CCDC3: variants seen among roughly 807,000 people sequenced by gnomAD.
The protein encoded by CCDC3 is coiled-coil domain-containing protein 3.
Under a neutral mutation model 21.4 loss-of-function variants are expected in CCDC3, and 24 were observed. That is an observed-to-expected ratio of 1.12 (90% CI 0.81 to 1.58). The LOEUF (loss-of-function observed/expected upper bound fraction) is 1.58. CCDC3 is among the 40% of genes most tolerant of loss of function. The pLI is 0.00. For synonymous variants in CCDC3, 186 were observed against 166.0 expected (o/e 1.12, Z -0.93); for missense variants, 425 against 360.9 (o/e 1.18, Z -1.44).
chr10:12,922,106 C>T (rs17592586), intron 2 of CCDC3, among the ~76,000 whole-genome samples: 8,013 of 152,158 alleles, frequency 0.053, 233 homozygotes, highest in Non-Finnish European at 0.071. Flanking sequence ...CCACCATGTA[C>T]AGTCCAGGCT....
intron 5 of CCDC3, among the ~76,000 whole-genome samples, chr10:13,014,477 A>AG (rs974377144): frequency 2.7e-5 from 4 of 150,790 alleles, no homozygotes; most frequent in Non-Finnish European, 4.4e-5. Flanking sequence ...AAAAGAAAAA[A>AG]AAAAGAAAAG....
At chr10:13,004,530 G>A (rs1445384894), upstream of CCDC3, among the ~76,000 whole-genome samples, 1 of 151,720 alleles carries the variant, frequency 6.6e-6, no homozygotes, top group East Asian at 1.9e-4. Context: ...TGTCCAGAAT[G>A]TGTCTATTTC....
chr10:13,011,710 T>C (rs1835986142), intron 5 of CCDC3, among the ~76,000 whole-genome samples: 1 of 152,152 alleles, frequency 6.6e-6, no homozygotes, highest in South Asian at 2.1e-4. Context: ...TTCCAAAATG[T>C]ATATGGAACC....
At chr10:13,042,199 C>G (rs1836466399) in intron 5 of CCDC3, among the ~76,000 whole-genome samples, 1 of 152,242 alleles carries the variant, frequency 6.6e-6, no homozygotes, top group South Asian at 2.1e-4. Flanking sequence ...AATTTCTTCA[C>G]CTATCACAGC....
At chr10:13,006,287 A>G (rs1182107184), upstream of CCDC3, among the ~76,000 whole-genome samples, 2 of 152,356 alleles carry the variant, frequency 1.3e-5, no homozygotes, top group East Asian at 3.9e-4. Flanking sequence ...CAGTGAGGAG[A>G]AAAGGGCAGG....
At chr10:12,980,651 C>G (rs548253514) in intron 2 of CCDC3, among the ~76,000 whole-genome samples, 1 of 152,278 alleles carries the variant, frequency 6.6e-6, no homozygotes, top group East Asian at 1.9e-4. Context: ...AGCAAACTTT[C>G]TGCTTCCAAC....
intron 5 of CCDC3, among the ~76,000 whole-genome samples, chr10:13,025,905 G>T (rs768472161): frequency 3.9e-5 from 6 of 152,172 alleles, no homozygotes; most frequent in Non-Finnish European, 8.8e-5. Context: ...ACTCACCCGG[G>T]CATGGTGGCT....
intron 5 of CCDC3, among the ~76,000 whole-genome samples, chr10:13,012,750 G>A (rs1835998425): frequency 6.6e-6 from 1 of 152,002 alleles, no homozygotes; most frequent in Admixed American, 6.5e-5. Context: ...CAGCCTGGGG[G>A]ACAGAGTGAG....
chr10:13,058,893 G>A (rs1392430501), intron 4 of CCDC3, among the ~76,000 whole-genome samples: 6 of 152,134 alleles, frequency 3.9e-5, no homozygotes, highest in East Asian at 1.9e-4. Flanking sequence ...CATACACTAC[G>A]GCGCATCCAT....
At chr10:12,920,616 G>C (rs975655975) in intron 2 of CCDC3, among the ~76,000 whole-genome samples, 2 of 152,116 alleles carry the variant, frequency 1.3e-5, no homozygotes, top group Non-Finnish European at 2.9e-5. Context: ...ACTTTTAATG[G>C]CAAACTTTAA....
Position 13,001,291 on chromosome 10 carries a change from G to A in CCDC3, c.280C>T (p.Pro94Ser). The change falls in exon 1 of 3, where the codon CCC becomes TCC. Residue 94 changes from proline to serine, a missense_variant. Pro to Ser is a moderately conservative substitution (Grantham distance 74, BLOSUM62 -1). Transcript: ENST00000378825. ...DQAWGSMLEVPAGSRLNLTGL... is the reference protein window; with the variant it reads ...DQAWGSMLEVSAGSRLNLTGL... ...GTGAGGTTGAGCCTGGAGCCGGCGGGCACCTCCAGCATGCTGCCCCACGCC... is the reference window on the plus strand; with the variant it reads ...GTGAGGTTGAGCCTGGAGCCGGCGGACACCTCCAGCATGCTGCCCCACGCC... The A allele has an allele frequency of 1.2e-6, 2 of 1,605,376 alleles. No homozygotes were observed. The highest frequency in any genetic ancestry group is 2.2e-5 in the East Asian group (1 of 44,564).
chr10:12,908,625 T>C (rs893379988), intron 2 of CCDC3, among the ~76,000 whole-genome samples: 1 of 151,648 alleles, frequency 6.6e-6, no homozygotes, highest in Non-Finnish European at 1.5e-5. Context: ...TTTTTTTTTT[T>C]TTGAGACAGA....
chr10:13,097,145 C>T (rs1832637227), intron 3 of CCDC3, among the ~76,000 whole-genome samples: 1 of 152,204 alleles, frequency 6.6e-6, no homozygotes, highest in African/African-American at 2.4e-5. Context: ...CCTTCCCACA[C>T]TGCTCTACAT....
intron 2 of CCDC3, among the ~76,000 whole-genome samples, chr10:12,949,792 G>A (rs1221957019): frequency 1.3e-5 from 2 of 152,196 alleles, no homozygotes; most frequent in African/African-American, 2.4e-5. Flanking sequence ...TCTGCCCAGA[G>A]GAAAGTGCAA....
intron 2 of CCDC3, among the ~76,000 whole-genome samples, chr10:12,973,813 C>T (rs1013773454): frequency 2.0e-5 from 3 of 152,204 alleles, no homozygotes; most frequent in Admixed American, 2.0e-4. Flanking sequence ...CCCACAGCCT[C>T]TTGCATGACC....
At chr10:13,023,245 A>C (rs1276913192) in intron 5 of CCDC3, among the ~76,000 whole-genome samples, 1 of 152,174 alleles carries the variant, frequency 6.6e-6, no homozygotes, top group Non-Finnish European at 1.5e-5. Context: ...TATACATTTC[A>C]TGATTTAAAA....
chr10:12,933,366 G>GA (rs1262276276), intron 2 of CCDC3, among the ~76,000 whole-genome samples: 2 of 151,876 alleles, frequency 1.3e-5, no homozygotes, highest in Non-Finnish European at 2.9e-5. Context: ...CTTTTTACAT[G>GA]AATTTTAACA....
chr10:12,958,765 T>A (rs1443163116), intron 2 of CCDC3, among the ~76,000 whole-genome samples: 1 of 152,090 alleles, frequency 6.6e-6, no homozygotes, highest in Non-Finnish European at 1.5e-5. Context: ...ATCAGCCTCA[T>A]CCTCATCCTC....
At chr10:12,968,575 A>C (rs1480855806) in intron 2 of CCDC3, among the ~76,000 whole-genome samples, 1 of 152,234 alleles carries the variant, frequency 6.6e-6, no homozygotes, top group Non-Finnish European at 1.5e-5. Context: ...TAAGTAGTCA[A>C]ATTCAGAACA....
Sources: allele counts gnomAD v4.1 joint callset (sites outside exome capture counted in the v4.1 genomes callset), GRCh38; gene constraint gnomAD v4.1.1; transcripts MANE v1.5; gene names NCBI Gene and HGNC (gene_info 2026-07-23, HGNC 2026-07-21).